STK32A: variants seen among roughly 807,000 people sequenced by gnomAD.
STK32A encodes serine/threonine-protein kinase 32A.
Under a neutral mutation model 53.2 loss-of-function variants are expected in STK32A, and 41 were observed. The ratio of observed to expected loss-of-function variants is 0.77; its 90% CI spans 0.60 to 1.00. STK32A has a LOEUF of 1.00. Ranked by LOEUF, STK32A falls within the 50% of genes least tolerant of loss-of-function variation. The pLI is 0.00. For synonymous variants in STK32A, 166 were observed against 162.8 expected (o/e 1.02, Z -0.15); for missense variants, 458 against 485.8 (o/e 0.94, Z 0.54).
chr5:147,334,866 C>G (rs1755040540), intron 5 of STK32A, among the ~76,000 whole-genome samples: 2 of 152,170 alleles, frequency 1.3e-5, no homozygotes, highest in East Asian at 3.9e-4. Flanking sequence ...AGATACTACA[C>G]AGTAGTCCCC....
intron 2 of STK32A, among the ~76,000 whole-genome samples, chr5:147,249,375 G>T (rs189744153): frequency 2.5e-4 from 38 of 152,184 alleles, no homozygotes; most frequent in African/African-American, 7.9e-4. Flanking sequence ...CACAGTAATT[G>T]CTCAATAAAT....
intron 4 of STK32A, among the ~76,000 whole-genome samples, chr5:147,316,796 A>G (rs114629149): frequency 7.2e-6 from 1 of 139,286 alleles, no homozygotes; most frequent in African/African-American, 2.6e-5. Flanking sequence ...TCAAGGCTGC[A>G]GTGAACTATG....
At chr5:147,238,190 G>A (rs1292616282) in intron 1 of STK32A, among the ~76,000 whole-genome samples, 2 of 152,202 alleles carry the variant, frequency 1.3e-5, no homozygotes, top group Admixed American at 1.3e-4. Flanking sequence ...TACCCCATTT[G>A]GGGGATAGAT....
In STK32A at chr5:147,383,937, A is replaced by C; in HGVS notation, c.1145A>C (p.Gln382Pro). Residue 382 changes from glutamine (Q) to proline (P), a missense_variant, in exon 13 of 13, where the codon CAA (glutamine) becomes CCA (proline). By Grantham distance (76) the Gln-to-Pro change is moderately conservative. Transcript: ENST00000397936. ...AGACAACCAAATCTAGCCTTGGAAC[A>C]AACCAAAGACCCACAAGGTGAGGAT... ...NKRQPNLALEQTKDPQGEDGQ... is the reference protein window; with the variant it reads ...NKRQPNLALEPTKDPQGEDGQ... 2 of 1,609,896 alleles carry C rather than the reference A, an allele frequency of 1.2e-6. No homozygotes were observed. Among genetic ancestry groups the C allele is most frequent in the Non-Finnish European group, 1.7e-6 (2 of 1,178,702 alleles).
intron 2 of STK32A, among the ~76,000 whole-genome samples, chr5:147,273,907 T>A (rs2151952564): frequency 6.6e-6 from 1 of 152,228 alleles, no homozygotes; most frequent in Non-Finnish European, 1.5e-5. Flanking sequence ...CTGTATACAC[T>A]ATAAGGATGT....
At chr5:147,389,560 G>A (rs565474307), downstream of STK32A, among the ~76,000 whole-genome samples, 27 of 152,284 alleles carry the variant, frequency 1.8e-4, no homozygotes, top group Non-Finnish European at 2.9e-4. Context: ...AAAACCTGGA[G>A]ATGCTGACAA....
intron 4 of STK32A, among the ~76,000 whole-genome samples, chr5:147,283,059 C>T (rs1020555500): frequency 6.6e-6 from 1 of 152,150 alleles, no homozygotes; most frequent in South Asian, 2.1e-4. Context: ...AAATGAGCCT[C>T]AATAAATTTA....
chr5:147,392,903 A>C, the STK32A span: 1 of 152,260 alleles, frequency 6.6e-6, no homozygotes, highest in Non-Finnish European at 1.5e-5. Flanking sequence ...CTTGACTTTC[A>C]TATAAGCTGA....
Position 147,375,187 on chromosome 5 carries a change from A to T in STK32A, c.1001A>T (p.Glu334Val). 1 of 1,611,188 alleles carries T rather than the reference A, an allele frequency of 6.2e-7. No individual in the cohort carries two copies. The highest frequency in any genetic ancestry group is 8.5e-7 in the Non-Finnish European group (1 of 1,178,700). ...AAAAAAAAGCGTCTGGCAAAGAAGG[A>T]GAAGGATATGAGGAAATGCGATTCT... The part of the protein sequence containing the change: ...HKKKKRLAKK[E>V]KDMRKCDSSQ... Residue 334 changes from glutamate (E) to valine (V), a missense_variant, in exon 11 of 13, where the codon GAG becomes GTG. By Grantham distance (121) the Glu-to-Val change is moderately radical. Coordinates refer to ENST00000397936, the MANE Select transcript of STK32A (RefSeq NM_001112724.2).
At chr5:147,399,100 A>G in the STK32A span, 5 of 1,613,964 alleles carry the variant, frequency 3.1e-6, no homozygotes, top group African/African-American at 4.0e-5. Context: ...GGTTCTTGGC[A>G]GAGACGATCT....
intron 6 of STK32A, chr5:147,343,287 T>C (rs745313147): frequency 3.3e-5 from 23 of 689,116 alleles, no homozygotes; most frequent in South Asian, 3.2e-4. Context: ...TCAATTTTCT[T>C]CCACTACTAT....
intron 1 of STK32A, among the ~76,000 whole-genome samples, chr5:147,238,276 C>A (rs2151936696): frequency 6.6e-6 from 1 of 152,286 alleles, no homozygotes. Flanking sequence ...TTGGATGGAG[C>A]CATTGCCACC....
At chr5:147,353,266 T>C (rs1386038778) in intron 7 of STK32A, among the ~76,000 whole-genome samples, 1 of 152,118 alleles carries the variant, frequency 6.6e-6, no homozygotes, top group Non-Finnish European at 1.5e-5. Context: ...GCAGGGTGAG[T>C]GAAGGAGCTT....
At position 147,235,068 on chromosome 5, in the gene STK32A, C is replaced by T. The variant is rs1753251167; in HGVS notation, c.-228C>T. ...CCCAGCCCAGCCCGGCGCTCGCAGC[C>T]TCCGCCGCTTCCGGGCAGATAGGTG... is the stretch of plus-strand genomic sequence containing the variant. On this transcript the variant is annotated 5_prime_UTR_variant, in exon 1 of 13. Coordinates refer to ENST00000397936, the MANE Select transcript of STK32A (RefSeq NM_001112724.2). 6.4e-6 allele frequency: 1 copy of T among 155,276 alleles called. No homozygotes were observed. The highest frequency in any genetic ancestry group is 2.4e-5 in the African/African-American group (1 of 41,512). The allele number at this position is 155,276 out of a possible 1,614,324, so 9.6% of individuals were successfully genotyped here.
At chr5:147,260,312 TCTC>T (rs774929891) in intron 2 of STK32A, among the ~76,000 whole-genome samples, 3 of 149,248 alleles carry the variant, frequency 2.0e-5, no homozygotes, top group Non-Finnish European at 4.5e-5. Context: ...TCTCTCTCTC[TCTC>T]TCTTCTCCGT....
At chr5:147,253,443 T>A (rs1383326060) in intron 2 of STK32A, among the ~76,000 whole-genome samples, 16 of 152,204 alleles carry the variant, frequency 1.1e-4, no homozygotes, top group Non-Finnish European at 2.4e-4. Flanking sequence ...ATATAGTCAG[T>A]TGAATTGCTG....
chr5:147,279,182 C>T, intron 3 of STK32A, 65 bp from the exon 4 acceptor site: 1 of 1,484,970 alleles, frequency 6.7e-7, no homozygotes, highest in South Asian at 1.4e-5. Context: ...ATGTCTTGTT[C>T]TGTCTCTCAT....
chr5:147,278,301 G>T (rs902832744), intron 3 of STK32A, 122 bp downstream of exon 3: 10 of 832,222 alleles, frequency 1.2e-5, no homozygotes, highest in Middle Eastern at 4.6e-4. Flanking sequence ...AAGTGAAAAT[G>T]TTTTTGTAAT....
intron 4 of STK32A, among the ~76,000 whole-genome samples, chr5:147,291,252 A>G (rs1350213477): frequency 6.6e-6 from 1 of 152,080 alleles, no homozygotes; most frequent in Non-Finnish European, 1.5e-5. Context: ...GGCTCCTTTT[A>G]TGTTCAGGAA....
Sources: allele counts gnomAD v4.1 joint callset (sites outside exome capture counted in the v4.1 genomes callset), GRCh38; gene constraint gnomAD v4.1.1; transcripts MANE v1.5; gene names NCBI Gene and HGNC (gene_info 2026-07-23, HGNC 2026-07-21).